CALCR: variants seen among roughly 807,000 people sequenced by gnomAD.
CALCR encodes calcitonin receptor.
In CALCR, 47 loss-of-function variants were observed where a neutral mutation model predicts 59.5. The ratio of observed to expected loss-of-function variants is 0.79; its 90% confidence interval spans 0.63 to 1.01. The LOEUF (loss-of-function observed/expected upper bound fraction) is 1.01, where lower values mean the gene tolerates loss of function less well. CALCR is among the 50% of genes least tolerant of loss of function. CALCR has a pLI of 0.00. For synonymous variants in CALCR, 213 were observed against 211.3 expected, an observed-to-expected ratio of 1.01 and a Z score of -0.07; for missense variants, 566 against 597.1, an observed-to-expected ratio of 0.95 and a Z score of 0.54.
chr7:93,538,858 A>G (rs1306270782), intron 2 of CALCR, among the ~76,000 whole-genome samples: 2 of 152,130 alleles, frequency 1.3e-5, no homozygotes, highest in African/African-American at 4.8e-5. Context: ...CCCCTGAGAT[A>G]TGAGTTGAAT....
At chr7:93,475,425 G>T (rs142514018) in intron 5 of CALCR, among the ~76,000 whole-genome samples, 54 of 151,824 alleles carry the variant, frequency 3.6e-4, no homozygotes, top group African/African-American at 1.2e-3. Context: ...ACAAAAAATT[G>T]ATGTTGAAAA....
At chr7:93,528,676 T>C (rs1460955065) in intron 2 of CALCR, among the ~76,000 whole-genome samples, 2 of 152,234 alleles carry the variant, frequency 1.3e-5, no homozygotes, top group African/African-American at 4.8e-5. Flanking sequence ...AGGACTTTGA[T>C]AGATAATTGG....
chr7:93,548,011 G>A (rs1033242598), intron 2 of CALCR, among the ~76,000 whole-genome samples: 3 of 152,168 alleles, frequency 2.0e-5, no homozygotes, highest in African/African-American at 7.2e-5. Flanking sequence ...TCAAGTGGGT[G>A]TACACATAAC....
chr7:93,492,765 T>A (rs1801112175), intron 2 of CALCR, among the ~76,000 whole-genome samples: 1 of 151,298 alleles, frequency 6.6e-6, no homozygotes, highest in South Asian at 2.1e-4. Context: ...ATATAGGGCC[T>A]TATAAGATGG....
At chr7:93,449,272 C>T (rs1403794152) in intron 8 of CALCR, among the ~76,000 whole-genome samples, 1 of 151,844 alleles carries the variant, frequency 6.6e-6, no homozygotes, top group African/African-American at 2.4e-5. Context: ...GTGATGTTTA[C>T]TTGAACAGGT....
At chr7:93,554,793 T>TATATATATATATATATATATA (rs1789552399) in intron 2 of CALCR, among the ~76,000 whole-genome samples, 1 of 99,006 alleles carries the variant, frequency 1.0e-5, no homozygotes, top group African/African-American at 8.4e-5. Flanking sequence ...ATATATATAT[T>TATATATATATATATATATATA]ATACGTACAT....
intron 2 of CALCR, among the ~76,000 whole-genome samples, chr7:93,553,199 A>G (rs1024695219): frequency 6.6e-6 from 1 of 152,160 alleles, no homozygotes; most frequent in African/African-American, 2.4e-5. Context: ...CAAGATGTTG[A>G]TTGTCATTCT....
At chr7:93,498,862 G>A (rs1801264667) in intron 2 of CALCR, among the ~76,000 whole-genome samples, 1 of 151,556 alleles carries the variant, frequency 6.6e-6, no homozygotes, top group African/African-American at 2.4e-5. Context: ...CATGTTCAAG[G>A]TTTCCTTGTA....
intron 2 of CALCR, among the ~76,000 whole-genome samples, chr7:93,505,687 C>T (rs957004383): frequency 1.3e-5 from 2 of 152,148 alleles, no homozygotes; most frequent in Non-Finnish European, 2.9e-5. Flanking sequence ...TAAGCCATGT[C>T]TACAAAATAG....
At chr7:93,512,027 C>T (rs984527858) in intron 2 of CALCR, among the ~76,000 whole-genome samples, 2 of 152,154 alleles carry the variant, frequency 1.3e-5, no homozygotes, top group South Asian at 2.1e-4. Context: ...AGTTGGAATA[C>T]TTCTTTCACT....
At position 93,457,634 on chromosome 7, in the gene CALCR, A is replaced by T. The variant is rs538988565; in HGVS notation, c.648+3187T>A. Among the ~76,000 whole-genome samples, 213 of 152,284 alleles carry T rather than the reference A, an allele frequency of 1.4e-3. 1 individual carries two copies. In the Middle Eastern group the frequency reaches 0.02, roughly 15 times the overall value. Reference sequence around the variant, plus strand: ...ATTTCTTGGCCTGCTCCGTACAGAGAGTAACTTTCCTACGGTTTCTACTCT... The same window carrying T: ...ATTTCTTGGCCTGCTCCGTACAGAGTGTAACTTTCCTACGGTTTCTACTCT... On this transcript the variant is annotated intron_variant, in intron 8 of 13. Coordinates refer to ENST00000426151, the MANE Select transcript of CALCR (RefSeq NM_001742.4).
intron 3 of CALCR, among the ~76,000 whole-genome samples, chr7:93,481,181 T>C (rs1800788169): frequency 6.6e-6 from 1 of 151,866 alleles, no homozygotes; most frequent in South Asian, 2.1e-4. Flanking sequence ...TCAAAACATT[T>C]TAGCTAATAT....
At chr7:93,561,286 A>T (rs533201427) in intron 2 of CALCR, among the ~76,000 whole-genome samples, 1 of 152,108 alleles carries the variant, frequency 6.6e-6, no homozygotes, top group African/African-American at 2.4e-5. Context: ...ACACACTAAT[A>T]ACATCATTTT....
At chr7:93,504,458 T>C (rs1801384245) in intron 2 of CALCR, among the ~76,000 whole-genome samples, 1 of 152,236 alleles carries the variant, frequency 6.6e-6, no homozygotes, top group South Asian at 2.1e-4. Flanking sequence ...GTAGAAATTC[T>C]TTAACCATGT....
At chr7:93,562,610 G>A (rs1789774434) in intron 2 of CALCR, among the ~76,000 whole-genome samples, 1 of 152,144 alleles carries the variant, frequency 6.6e-6, no homozygotes, top group Non-Finnish European at 1.5e-5. Context: ...TCCCACACCT[G>A]TTGCCCACTA....
At chr7:93,462,206 G>T in intron 7 of CALCR, 1 of 614,308 alleles carries the variant, frequency 1.6e-6, no homozygotes. Flanking sequence ...AGCGATTATA[G>T]TAACTCATTA....
At chr7:93,440,155 T>C (rs1293780999) in intron 9 of CALCR, among the ~76,000 whole-genome samples, 1 of 152,116 alleles carries the variant, frequency 6.6e-6, no homozygotes, top group East Asian at 1.9e-4. Flanking sequence ...CAACTGGGCT[T>C]TTTTGGGCCA....
At chr7:93,466,674 A>G (rs546624561) in intron 7 of CALCR, among the ~76,000 whole-genome samples, 1 of 151,864 alleles carries the variant, frequency 6.6e-6, no homozygotes, top group South Asian at 2.1e-4. Context: ...CCCCAGATTT[A>G]AGTTGCTGTT....
chr7:93,432,102 C>T (rs13232226), intron 13 of CALCR, among the ~76,000 whole-genome samples: 38,826 of 152,026 alleles, frequency 0.26, 5,269 homozygotes, highest in Middle Eastern at 0.28. Context: ...CCCACTGACT[C>T]TCTATATAAT....
Sources: gnomAD v4.1 joint callset for allele counts (sites outside exome capture counted in the v4.1 genomes callset) on GRCh38, gnomAD v4.1.1 for gene constraint, MANE v1.5 for transcripts, NCBI Gene and HGNC (gene_info 2026-07-23, HGNC 2026-07-21) for gene names.